DAPK2: variants seen among roughly 807,000 people sequenced by gnomAD.
DAPK2 encodes death-associated protein kinase 2.
In DAPK2, 35 loss-of-function variants were observed where a neutral mutation model predicts 44.1. The ratio of observed to expected loss-of-function variants is 0.79; its 90% confidence interval spans 0.61 to 1.05. DAPK2 has a LOEUF of 1.05. DAPK2 is among the 50% of genes least tolerant of loss of function. The pLI, the probability that DAPK2 is intolerant of heterozygous loss-of-function variation, is 0.00. For synonymous variants in DAPK2, 174 were observed against 182.6 expected (o/e 0.95, Z 0.38); for missense variants, 453 against 483.2 (o/e 0.94, Z 0.59).
At chr15:63,986,819 T>C (rs1170164356) in intron 1 of DAPK2, among the ~76,000 whole-genome samples, 8 of 151,822 alleles carry the variant, frequency 5.3e-5, no homozygotes. Context: ...GATGGGGCTA[T>C]TTAAAAGCCC....
chr15:64,029,173 A>G (rs1053055113), intron 1 of DAPK2, among the ~76,000 whole-genome samples: 1 of 149,392 alleles, frequency 6.7e-6, no homozygotes, highest in African/African-American at 2.5e-5. Flanking sequence ...CATAATGCAG[A>G]CAGAGCTCAA....
chr15:64,002,309 T>TA (rs763050292), intron 1 of DAPK2, among the ~76,000 whole-genome samples: 3 of 152,256 alleles, frequency 2.0e-5, no homozygotes, highest in Non-Finnish European at 4.4e-5. Flanking sequence ...TTCCTTTTTT[T>TA]ATGTAAGTCT....
At chr15:63,934,279 A>C (rs191326415) in intron 4 of DAPK2, among the ~76,000 whole-genome samples, 1,002 of 71,458 alleles carry the variant, frequency 0.014, 15 homozygotes, top group Admixed American at 0.021. Context: ...TTTTTTTGAG[A>C]CTGAGTCTTG....
chr15:63,986,987 G>A (rs558583813), intron 1 of DAPK2, among the ~76,000 whole-genome samples: 1 of 152,298 alleles, frequency 6.6e-6, no homozygotes, highest in African/African-American at 2.4e-5. Flanking sequence ...TTCAGGAAAG[G>A]AGTAAAGAAA....
chr15:64,009,934 A>G lies in DAPK2; in HGVS notation c.93-26180T>C, dbSNP rs62021502. On this transcript the variant is annotated intron_variant, in intron 1 of 10. Coordinates refer to ENST00000261891, the Ensembl canonical transcript of DAPK2. ...ATGAGTAACGACAAAAGCAGTTTCC[A>G]GTGGCACAAAGGCTTGTTCTAGGCA... Among the ~76,000 whole-genome samples the G allele has an allele frequency of 4.5e-3, 693 of 152,332 alleles. 2 individuals carry two copies. Among genetic ancestry groups the G allele is most frequent in the Non-Finnish European group, 6.9e-3 (471 of 68,034 alleles).
chr15:64,008,487 A>G (rs1377493834), intron 1 of DAPK2, among the ~76,000 whole-genome samples: 1 of 152,220 alleles, frequency 6.6e-6, no homozygotes, highest in Non-Finnish European at 1.5e-5. Flanking sequence ...GCCTCTAGAG[A>G]GACTTCAAAT....
intron 2 of DAPK2, among the ~76,000 whole-genome samples, chr15:63,975,976 A>G (rs2078335652): frequency 6.6e-6 from 1 of 152,094 alleles, no homozygotes; most frequent in African/African-American, 2.4e-5. Context: ...CTAAATAAAG[A>G]ACATCAAAAT....
intron 3 of DAPK2, among the ~76,000 whole-genome samples, chr15:63,965,119 T>C (rs901137861): frequency 6.6e-6 from 1 of 152,226 alleles, no homozygotes; most frequent in Non-Finnish European, 1.5e-5. Context: ...TGAAAGGACT[T>C]GAGTGTTGTA....
intron 1 of DAPK2, among the ~76,000 whole-genome samples, chr15:63,995,629 C>A (rs1485283855): frequency 6.6e-6 from 1 of 152,214 alleles, no homozygotes; most frequent in African/African-American, 2.4e-5. Context: ...CAGGGTATAC[C>A]TTCAAACTTA....
chr15:63,939,414 A>T lies in DAPK2; in HGVS notation c.454-53T>A. ...AAAGGAAGGAAGAAAAGAAAAAAAA[A>T]GACGGTAATTAAAGGCTGGTTGGTT... is the stretch of plus-strand genomic sequence containing the variant. On this transcript the variant is annotated intron_variant, in intron 3 of 10. Transcript: ENST00000261891. The surrounding 1 kb of genome is among the most constrained non-coding windows in gnomAD (Gnocchi z 4.3). 6.5e-7 allele frequency: 1 copy of T among 1,548,752 alleles called. No individual in the cohort carries two copies. Among genetic ancestry groups the T allele is most frequent in the Non-Finnish European group, 8.7e-7 (1 of 1,153,194 alleles).
intron 2 of DAPK2, among the ~76,000 whole-genome samples, chr15:63,979,010 C>T (rs554114130): frequency 1.3e-5 from 2 of 152,202 alleles, no homozygotes; most frequent in East Asian, 1.9e-4. Context: ...AATTCAGGAA[C>T]CTGGGAAGCA....
chr15:64,034,453 TC>T (rs1483784292), intron 1 of DAPK2, among the ~76,000 whole-genome samples: 1 of 152,152 alleles, frequency 6.6e-6, no homozygotes, highest in African/African-American at 2.4e-5. Flanking sequence ...AAGTCTCTCA[TC>T]CCCAGGCAAG....
intron 2 of DAPK2, among the ~76,000 whole-genome samples, chr15:63,975,435 C>G (rs561496101): frequency 4.6e-5 from 7 of 152,190 alleles, no homozygotes; most frequent in Admixed American, 2.0e-4. Context: ...ATCCTATGAT[C>G]TAAGGACTAA....
At chr15:64,018,437 G>A (rs1176662552) in intron 1 of DAPK2, among the ~76,000 whole-genome samples, 5 of 152,180 alleles carry the variant, frequency 3.3e-5, no homozygotes, top group Admixed American at 3.3e-4. Flanking sequence ...TACGAAGAAG[G>A]TGAGAGACCA....
In DAPK2 at chr15:63,966,994, A is replaced by G. The variant is rs2078071860; in HGVS notation, c.453+4429T>C. On this transcript the variant is annotated intron_variant, in intron 3 of 10. Coordinates refer to ENST00000261891, the Ensembl canonical transcript of DAPK2. The surrounding 1 kb of genome is among the most constrained non-coding windows in gnomAD (Gnocchi z 5.5). The stretch of plus-strand genomic sequence containing the variant: ...GGAGATGGAGACCATCCTGGCTAAC[A>G]TGGTGAAACCCCGTCTCTACTAAAA... Among the ~76,000 whole-genome samples, 1 of 151,950 alleles carries G rather than the reference A, an allele frequency of 6.6e-6. No individual in the cohort carries two copies. Among genetic ancestry groups the G allele is most frequent in the Non-Finnish European group, 1.5e-5 (1 of 67,990 alleles).
In DAPK2 at chr15:64,024,396, G is replaced by A. The variant is rs182206516; in HGVS notation, c.92+15774C>T. Among the ~76,000 whole-genome samples the A allele has an allele frequency of 1.3e-3, 192 of 152,292 alleles. 1 individual carries two copies. Among genetic ancestry groups the A allele is most frequent in the African/African-American group, 4.5e-3 (188 of 41,562 alleles). Reference sequence around the variant, plus strand: ...CTCAGAAAGCCTGGGTTGGGGAACAGGACTTCCTGTTGCCTGGAATGGAAT... The same window carrying A: ...CTCAGAAAGCCTGGGTTGGGGAACAAGACTTCCTGTTGCCTGGAATGGAAT... On this transcript the variant is annotated intron_variant, in intron 1 of 10. Coordinates refer to ENST00000261891, the Ensembl canonical transcript of DAPK2.
At chr15:63,983,549 C>T (rs1221512803) in exon 2 of DAPK2, 4 of 1,614,184 alleles carry the variant, frequency 2.5e-6, no homozygotes, top group South Asian at 2.2e-5. Flanking sequence ...AGGATGAGCA[C>T]CACGTCGGTG....
chr15:64,002,947 T>G, intron 1 of DAPK2, among the ~76,000 whole-genome samples: 1 of 132,988 alleles, frequency 7.5e-6, no homozygotes, highest in East Asian at 2.2e-4. Flanking sequence ...TGTGTGTGTG[T>G]GTGTGTGTGT....
chr15:63,917,847 T>C lies in DAPK2; in HGVS notation c.859-5650A>G, dbSNP rs1304393022. The C allele has an allele frequency of 6.6e-6, 1 of 152,206 alleles. No individual in the cohort carries two copies. Among genetic ancestry groups the C allele is most frequent in the East Asian group, 1.9e-4 (1 of 5,204 alleles). 9.4% of individuals were successfully genotyped at this position (152,206 alleles called of 1,614,324 possible). On this transcript the variant is annotated intron_variant, in intron 8 of 10. Transcript: ENST00000261891. The surrounding 1 kb of genome is among the most constrained non-coding windows in gnomAD (Gnocchi z 4.4). ...CCCTCTTACCCTTTCTCAATCAGAA[T>C]TCCTCTCTCCTTTGATTTCTAGGAG...
Sources: allele counts gnomAD v4.1 joint callset (sites outside exome capture counted in the v4.1 genomes callset), GRCh38; gene constraint gnomAD v4.1.1; non-coding constraint Gnocchi (gnomAD v3.1); transcripts MANE v1.5; gene names NCBI Gene and HGNC (gene_info 2026-07-23, HGNC 2026-07-21).